Variants in SEMA6D observed in about 807,000 individuals in gnomAD.
The protein encoded by SEMA6D is semaphorin-6D.
In SEMA6D, 35 loss-of-function variants were observed where a neutral mutation model predicts 106.6. That is an observed-to-expected ratio of 0.33 (90% CI 0.25 to 0.44). SEMA6D has a LOEUF of 0.44. Ranked by LOEUF, SEMA6D falls within the 20% of genes least tolerant of loss-of-function variation. The probability of loss-of-function intolerance (pLI) is 1.00; values close to 1 mark genes in which losing one functional copy is unlikely to be tolerated. For synonymous variants in SEMA6D, 499 were observed against 487.7 expected (o/e 1.02, Z -0.31); for missense variants, 1,185 against 1,345.9 (o/e 0.88, Z 1.87).
intron 1 of SEMA6D, chr15:47,396,407 C>G (rs1287538807): frequency 6.5e-6 from 1 of 152,890 alleles, no homozygotes; most frequent in East Asian, 1.9e-4. Flanking sequence ...AGCCAGGAAG[C>G]CAGTACGTGT....
rs140030735 is a variant in SEMA6D at position 47,770,637 on chromosome 15, C to T, written c.2074C>T (p.Arg692Trp). Reference sequence around the variant, plus strand: ...ATACTGCTATCGAGACATGTTTGTTCGGAAAAACAGAAAGATCCATAAAGA... The same window carrying T: ...ATACTGCTATCGAGACATGTTTGTTTGGAAAAACAGAAAGATCCATAAAGA... The part of the protein sequence containing the change: ...AVYCYRDMFV[R>W]KNRKIHKDAE... The change falls in exon 19 of 19, where the codon CGG becomes TGG. Residue 692 changes from arginine to tryptophan, a missense_variant. Around this residue, in one of 3 missense-constraint regions of SEMA6D, gnomAD observed 750 missense variants for 783.5 expected, o/e 0.96. Coordinates refer to ENST00000536845, the MANE Select transcript of SEMA6D (RefSeq NM_001358351.3). The T allele has an allele frequency of 2.1e-5, 34 of 1,613,868 alleles. No homozygotes were observed. The highest frequency in any genetic ancestry group is 2.3e-5 in the Non-Finnish European group (27 of 1,179,962).
At chr15:47,511,884 TGCA>T (rs1429690469) in intron 3 of SEMA6D, among the ~76,000 whole-genome samples, 1 of 152,164 alleles carries the variant, frequency 6.6e-6, no homozygotes. Flanking sequence ...AAATGTGCAC[TGCA>T]TCGTTTAGGA....
intron 3 of SEMA6D, among the ~76,000 whole-genome samples, chr15:47,479,614 T>G (rs2043095356): frequency 6.6e-6 from 1 of 152,152 alleles, no homozygotes; most frequent in Admixed American, 6.5e-5. Context: ...AGTTGGAGTT[T>G]TAGAGTAGTG....
chr15:47,761,018 A>G lies in SEMA6D; in HGVS notation c.262A>G (p.Thr88Ala), dbSNP rs2082032520. 1 of 1,613,624 alleles carries G rather than the reference A, an allele frequency of 6.2e-7. No individual in the cohort carries two copies. Among genetic ancestry groups the G allele is most frequent in the East Asian group, 2.2e-5 (1 of 44,792 alleles). The change falls in exon 4 of 19, where the codon ACA (threonine) becomes GCA (alanine). Residue 88 changes from threonine to alanine, a missense_variant. Physicochemically the swap from Thr to Ala is moderately conservative, Grantham distance 58. Coordinates refer to ENST00000536845, the MANE Select transcript of SEMA6D (RefSeq NM_001358351.3). Reference protein sequence around the residue: ...YTVNLNEMPKTEVIPNKKLTW... With the variant: ...YTVNLNEMPKAEVIPNKKLTW... ...AGTAAACTTAAATGAAATGCCCAAAACAGAAGTAATACCCAACAAGGTGAG... is the reference window on the plus strand; with the variant it reads ...AGTAAACTTAAATGAAATGCCCAAAGCAGAAGTAATACCCAACAAGGTGAG...
intron 1 of SEMA6D, among the ~76,000 whole-genome samples, chr15:47,745,199 A>C (rs2081059088): frequency 6.6e-6 from 1 of 152,248 alleles, no homozygotes; most frequent in Non-Finnish European, 1.5e-5. Flanking sequence ...AGCCTTGAAC[A>C]GGCTTCCTGG....
chr15:47,481,297 G>A (rs1417753158), intron 3 of SEMA6D, among the ~76,000 whole-genome samples: 2 of 152,154 alleles, frequency 1.3e-5, no homozygotes, highest in Non-Finnish European at 2.9e-5. Flanking sequence ...CTTTGGCTGT[G>A]TCATCTTGAA....
In SEMA6D at chr15:47,762,326, T is replaced by G. The variant is rs929715039; in HGVS notation, c.658+7T>G. 5.6e-6 allele frequency: 9 copies of G among 1,612,524 alleles called. No individual in the cohort carries two copies. The African/African-American group carries it at 8.0e-5, about 14-fold the overall frequency. On this transcript the variant is annotated splice_region_variant and intron_variant, in intron 8 of 18. Coordinates refer to ENST00000536845, the MANE Select transcript of SEMA6D (RefSeq NM_001358351.3). Reference sequence around the variant, plus strand: ...GATTCCAAATGGATAAAAGGTACCTTTGAAGAGCAGTGTCGTGGGGTCACC... The same window carrying G: ...GATTCCAAATGGATAAAAGGTACCTGTGAAGAGCAGTGTCGTGGGGTCACC...
intron 1 of SEMA6D, among the ~76,000 whole-genome samples, chr15:47,243,368 C>T (rs2033026639): frequency 6.6e-6 from 1 of 151,276 alleles, no homozygotes; most frequent in African/African-American, 2.4e-5. Context: ...TTTTAAGAGC[C>T]CAGGAGGCAA....
intron 3 of SEMA6D, among the ~76,000 whole-genome samples, chr15:47,511,840 G>A (rs1230880833): frequency 6.6e-6 from 1 of 152,032 alleles, no homozygotes. Context: ...CACCCCTCAG[G>A]CCACACATGT....
chr15:47,735,324 A>G (rs2080381461), intron 1 of SEMA6D, among the ~76,000 whole-genome samples: 2 of 152,194 alleles, frequency 1.3e-5, no homozygotes, highest in Admixed American at 1.3e-4. Flanking sequence ...TCTGTTCTCC[A>G]GTGACCCAGA....
At chr15:47,316,021 A>AT (rs375702601) in intron 1 of SEMA6D, among the ~76,000 whole-genome samples, 7 of 137,942 alleles carry the variant, frequency 5.1e-5, no homozygotes, top group African/African-American at 2.0e-4. Context: ...ACTCTTTTGG[A>AT]TTTTCTACAT....
At chr15:47,375,712 G>A (rs983237252) in intron 1 of SEMA6D, among the ~76,000 whole-genome samples, 2 of 152,124 alleles carry the variant, frequency 1.3e-5, no homozygotes, top group African/African-American at 4.8e-5. Context: ...ACTTATAGAA[G>A]TCTGTTAAAA....
rs2147983213 is a variant in SEMA6D at position 47,771,314 on chromosome 15, G to T, written c.2751G>T (p.Glu917Asp). 1 of 1,613,974 alleles carries T rather than the reference G, an allele frequency of 6.2e-7. No homozygotes were observed. The highest frequency in any genetic ancestry group is 2.2e-5 in the East Asian group (1 of 44,836). ...LMLDPMGSMS[E>D]VPPKVPNREA... ...TGGATCCCATGGGATCGATGTCTGA[G>T]GTCCCACCTAAAGTCCCTAACCGGG... Residue 917 changes from glutamate (E) to aspartate (D), a missense_variant, in exon 19 of 19, where the codon GAG becomes GAT. By Grantham distance (45) the Glu-to-Asp change is conservative. Transcript: ENST00000536845.
intron 1 of SEMA6D, among the ~76,000 whole-genome samples, chr15:47,310,743 C>T (rs1333470815): frequency 6.6e-6 from 1 of 152,098 alleles, no homozygotes; most frequent in Non-Finnish European, 1.5e-5. Context: ...CAGCCATATA[C>T]AGCTCTTTCC....
intron 3 of SEMA6D, among the ~76,000 whole-genome samples, chr15:47,510,351 G>A (rs1253957179): frequency 1.3e-5 from 2 of 152,118 alleles, no homozygotes; most frequent in African/African-American, 2.4e-5. Context: ...CTGCCCCCCA[G>A]TTTATGGAAA....
intron 1 of SEMA6D, among the ~76,000 whole-genome samples, chr15:47,323,995 A>T (rs2037029138): frequency 1.3e-5 from 2 of 152,178 alleles, no homozygotes; most frequent in South Asian, 2.1e-4. Context: ...CAAAAAAAAA[A>T]AAAAATCCAA....
At chr15:47,540,155 A>G (rs1203014858) in intron 3 of SEMA6D, among the ~76,000 whole-genome samples, 1 of 152,152 alleles carries the variant, frequency 6.6e-6, no homozygotes, top group African/African-American at 2.4e-5. Flanking sequence ...CCACACTGTG[A>G]ACACTTAATT....
chr15:47,343,373 G>A (rs567108148), intron 1 of SEMA6D, among the ~76,000 whole-genome samples: 14 of 151,544 alleles, frequency 9.2e-5, no homozygotes, highest in East Asian at 3.9e-4. Context: ...GTCATTTAGC[G>A]TTAGGTATAT....
chr15:47,467,637 G>A (rs754670697), intron 2 of SEMA6D, among the ~76,000 whole-genome samples: 2 of 152,134 alleles, frequency 1.3e-5, no homozygotes, highest in Admixed American at 1.3e-4. Flanking sequence ...AGGTGCTTGC[G>A]AAATGGAAGT....
Sources: gnomAD v4.1 joint callset for allele counts (sites outside exome capture counted in the v4.1 genomes callset) on GRCh38, gnomAD v4.1.1 for gene constraint, gnomAD v4.1.1 regional missense constraint, MANE v1.5 for transcripts, NCBI Gene and HGNC (gene_info 2026-07-23, HGNC 2026-07-21) for gene names.